CNGA1: variants seen among roughly 807,000 people sequenced by gnomAD.
CNGA1 encodes cyclic nucleotide gated channel subunit alpha 1, also known as cyclic nucleotide-gated channel alpha-1.
In CNGA1, 53 loss-of-function variants were observed where a neutral mutation model predicts 69.7. The observed-to-expected ratio is 0.76, with a 90% CI of 0.61 to 0.96. CNGA1 has a LOEUF of 0.96. Ranked by LOEUF, CNGA1 falls within the 40% of genes least tolerant of loss-of-function variation. The pLI, the probability that CNGA1 is intolerant of heterozygous loss-of-function variation, is 0.00. For synonymous variants in CNGA1, 249 were observed against 283.5 expected, an observed-to-expected ratio of 0.88 and a Z score of 1.22; for missense variants, 739 against 811.2, an observed-to-expected ratio of 0.91 and a Z score of 1.08.
intron 2 of CNGA1, among the ~76,000 whole-genome samples, chr4:47,999,715 T>G (rs1442458256): frequency 6.6e-6 from 1 of 151,874 alleles, no homozygotes; most frequent in Non-Finnish European, 1.5e-5. Context: ...TACTAAAACT[T>G]CAAAAATTAG....
At chr4:47,996,512 T>C (rs1478145052) in intron 2 of CNGA1, among the ~76,000 whole-genome samples, 1 of 152,166 alleles carries the variant, frequency 6.6e-6, no homozygotes, top group African/African-American at 2.4e-5. Context: ...GTATGGTAAA[T>C]AGAAATGATT....
chr4:47,978,039 T>A (rs556084632), intron 3 of CNGA1, among the ~76,000 whole-genome samples: 1 of 152,322 alleles, frequency 6.6e-6, no homozygotes, highest in Admixed American at 6.5e-5. Flanking sequence ...TTGGTCAGGC[T>A]GGTCTCGAAC....
intron 2 of CNGA1, among the ~76,000 whole-genome samples, chr4:48,001,976 T>C (rs931198635): frequency 6.6e-5 from 10 of 152,214 alleles, no homozygotes; most frequent in African/African-American, 2.2e-4. Flanking sequence ...AACTTTAAAA[T>C]ATTTTGAACT....
intron 3 of CNGA1, among the ~76,000 whole-genome samples, chr4:47,964,751 A>G (rs1359213410): frequency 6.6e-6 from 1 of 152,152 alleles, no homozygotes; most frequent in African/African-American, 2.4e-5. Flanking sequence ...TTAAAATCAT[A>G]GAATAAATTA....
chr4:48,012,439 C>T (rs1237544869), intron 1 of CNGA1, among the ~76,000 whole-genome samples: 1 of 151,686 alleles, frequency 6.6e-6, no homozygotes, highest in Non-Finnish European at 1.5e-5. Context: ...ACAGCCATTG[C>T]TTTCAGTTTG....
intron 3 of CNGA1, among the ~76,000 whole-genome samples, chr4:47,980,717 A>T (rs1578108736): frequency 6.6e-6 from 1 of 152,066 alleles, no homozygotes; most frequent in African/African-American, 2.4e-5. Flanking sequence ...TCAAGGATCT[A>T]CCTACTCCAG....
At chr4:47,990,081 T>C (rs1237632489) in intron 2 of CNGA1, among the ~76,000 whole-genome samples, 1 of 152,098 alleles carries the variant, frequency 6.6e-6, no homozygotes, top group Non-Finnish European at 1.5e-5. Context: ...AACATATGTG[T>C]TTGAACAATA....
chr4:47,937,436 A>G lies in CNGA1; in HGVS notation c.1046T>C (p.Leu349Pro). ...GRLARKYVYS[L>P]YWSTLTLTTI... The stretch of plus-strand genomic sequence containing the variant: ...AGTCAAAGTCAGTGTAGACCAGTAA[A>G]GGCTGTATACGTATTTTCTAGCCAA... The change falls in exon 11 of 11, where the codon CTT becomes CCT. Residue 349 changes from leucine to proline, a missense_variant. By Grantham distance (98) the Leu-to-Pro change is moderately conservative. Coordinates refer to ENST00000514170, the MANE Select transcript of CNGA1 (RefSeq NM_001379270.1). The G allele has an allele frequency of 1.2e-6, 2 of 1,614,148 alleles. No homozygotes were observed. Among genetic ancestry groups the G allele is most frequent in the Non-Finnish European group, 1.7e-6 (2 of 1,180,022 alleles).
At position 48,005,956 on chromosome 4, in the gene CNGA1, T is replaced by C. The variant is rs111425538; in HGVS notation, c.-123+4838A>G. Among the ~76,000 whole-genome samples the C allele has an allele frequency of 7.2e-5, 11 of 152,330 alleles. 1 individual carries two copies. Among genetic ancestry groups the C allele is most frequent in the African/African-American group, 2.6e-4 (11 of 41,588 alleles). On this transcript the variant is annotated intron_variant, in intron 2 of 10. Transcript: ENST00000514170. Reference sequence around the variant, plus strand: ...GAAATCAGGTACAGAGAAAGAAATATGCTCCAAATTTTATTCATAGGAGTA... The same window carrying C: ...GAAATCAGGTACAGAGAAAGAAATACGCTCCAAATTTTATTCATAGGAGTA...
At position 48,002,518 on chromosome 4, in the gene CNGA1, T is replaced by C. The variant is rs143996387; in HGVS notation, c.-123+8276A>G. On this transcript the variant is annotated intron_variant, in intron 2 of 10. Transcript: ENST00000514170. ...GGTCAGGGGTTTTTCAAAGGCAGTT[T>C]GGGGGAAGGGAGGGGGTGGCCAGGT... Among the ~76,000 whole-genome samples, 145 of 151,232 alleles carry C rather than the reference T, an allele frequency of 9.6e-4. 1 individual carries two copies. Among genetic ancestry groups the C allele is most frequent in the East Asian group, 6.8e-3 (35 of 5,128 alleles).
At chr4:47,952,168 G>C (rs1739783208) in intron 4 of CNGA1, among the ~76,000 whole-genome samples, 1 of 151,782 alleles carries the variant, frequency 6.6e-6, no homozygotes, top group Admixed American at 6.6e-5. Context: ...TTCGTGACCA[G>C]CCTGGCCAAT....
chr4:48,000,218 T>TA (rs1160357415), intron 2 of CNGA1, among the ~76,000 whole-genome samples: 24 of 151,944 alleles, frequency 1.6e-4, no homozygotes, highest in Admixed American at 1.6e-3. Context: ...AGCAAGGAGG[T>TA]AAAAACAAAT....
intron 2 of CNGA1, among the ~76,000 whole-genome samples, chr4:47,987,091 G>A (rs1742009731): frequency 7.0e-6 from 1 of 142,052 alleles, no homozygotes; most frequent in Non-Finnish European, 1.5e-5. Context: ...GGTACCTGCA[G>A]TAACCTTGAC....
chr4:47,983,070 C>A (rs1741805250), intron 2 of CNGA1, among the ~76,000 whole-genome samples: 1 of 152,114 alleles, frequency 6.6e-6, no homozygotes, highest in African/African-American at 2.4e-5. Context: ...TCCCAAAGTG[C>A]TAGGATTACA....
chr4:47,987,462 G>A (rs561472775), intron 2 of CNGA1, among the ~76,000 whole-genome samples: 2 of 152,212 alleles, frequency 1.3e-5, no homozygotes, highest in East Asian at 3.9e-4. Flanking sequence ...CATGAGATCA[G>A]GAACCGTGTC....
At chr4:47,954,684 C>T (rs754168746) in intron 3 of CNGA1, among the ~76,000 whole-genome samples, 2 of 152,178 alleles carry the variant, frequency 1.3e-5, no homozygotes, top group Non-Finnish European at 2.9e-5. Flanking sequence ...ATCACCTAGG[C>T]GTGGAGTTTG....
rs571933865 is a variant in CNGA1, at chr4:48,007,788, A to C, written c.-123+3006T>G. 6.6e-5 allele frequency among the ~76,000 whole-genome samples: 10 copies of C among 152,350 alleles called. No individual in the cohort carries two copies. In the South Asian group the frequency reaches 2.1e-3, roughly 32 times the overall value. ...TAGGCCAGTTACCAAAAGGCAAAAG[A>C]AAAACCCTTCTGCAGTGTACAGAAC... is the stretch of plus-strand genomic sequence containing the variant. On this transcript the variant is annotated intron_variant, in intron 2 of 10. Coordinates refer to ENST00000514170, the MANE Select transcript of CNGA1 (RefSeq NM_001379270.1).
intron 3 of CNGA1, among the ~76,000 whole-genome samples, chr4:47,971,503 G>A (rs1035772350): frequency 2.6e-5 from 4 of 151,696 alleles, no homozygotes; most frequent in African/African-American, 9.7e-5. Context: ...TCATATTTCT[G>A]CCACCAGGAA....
At chr4:47,974,674 A>T (rs894698766) in intron 3 of CNGA1, among the ~76,000 whole-genome samples, 2 of 151,132 alleles carry the variant, frequency 1.3e-5, no homozygotes, top group Non-Finnish European at 2.9e-5. Context: ...TTTTCATCTC[A>T]CTCGTTCCAT....
Sources: gnomAD v4.1 joint callset for allele counts (sites outside exome capture counted in the v4.1 genomes callset) on GRCh38, gnomAD v4.1.1 for gene constraint, MANE v1.5 for transcripts, NCBI Gene and HGNC (gene_info 2026-07-23, HGNC 2026-07-21) for gene names.